MTF1: variants seen among roughly 807,000 people sequenced by gnomAD.
MTF1 encodes metal regulatory transcription factor 1.
In MTF1, 22 loss-of-function variants were observed where a neutral mutation model predicts 70.4. That is an observed-to-expected ratio of 0.31 (90% CI 0.22 to 0.45). The LOEUF (loss-of-function observed/expected upper bound fraction) is 0.45, where lower values mean the gene tolerates loss of function less well. Among genes scored for constraint, MTF1 ranks in the 20% least tolerant of loss-of-function variants. MTF1 has a pLI of 1.00. For missense variants in MTF1, 649 were observed against 922.0 expected (o/e 0.70, Z 3.83); for synonymous variants, 333 against 352.8 (o/e 0.94, Z 0.63).
Position 37,814,929 on chromosome 1 carries a change from TG to T in MTF1, c.*206del. 1.8e-6 allele frequency: 1 copy of T among 548,934 alleles called. No individual in the cohort carries two copies. The highest frequency in any genetic ancestry group is 3.3e-5 in the Admixed American group (1 of 29,872). The allele number at this position is 548,934 out of a possible 1,614,324, so 34.0% of individuals were successfully genotyped here. A position where few individuals can be genotyped will look rare whatever the true frequency, so the allele number is the denominator to read the frequency against. On this transcript the variant is annotated 3_prime_UTR_variant, in exon 11 of 11. Transcript: ENST00000373036. ...TCACTTATAACTTAGCTTTTTTTGTTGTTTTTTTTGTTTTTTGTTTTTTTCC... is the reference window on the plus strand; with the variant it reads ...TCACTTATAACTTAGCTTTTTTTGTTTTTTTTTTGTTTTTTGTTTTTTTCC...
chr1:37,815,140 T>C lies in MTF1; in HGVS notation c.2258A>G (p.Lys753Arg). Residue 753 changes from lysine (K) to arginine (R), a missense_variant, in exon 11 of 11, where the codon AAG becomes AGG. Physicochemically the swap from Lys to Arg is conservative, Grantham distance 26 (BLOSUM62 2). Around this residue, in one of 7 missense-constraint regions of MTF1, gnomAD observed 138 missense variants for 134.4 expected, o/e 1.03. Coordinates refer to ENST00000373036, the MANE Select transcript of MTF1 (RefSeq NM_005955.3). This position sits in a 1 kb window ranked among gnomAD's most constrained non-coding sequence, Gnocchi z 4.5. ...EEMGLTSSFS[K>R] ...AGGTGAGCACACATGGGCCCTTCAC[T>C]TGGAGAAGCTGCTGGTGAGGCCCAT... 1.9e-6 allele frequency: 3 copies of C among 1,613,954 alleles called. No individual in the cohort carries two copies. The highest frequency in any genetic ancestry group is 2.5e-6 in the Non-Finnish European group (3 of 1,179,906).
chr1:37,858,441 T>C (rs1641535162), intron 1 of MTF1: 2 of 152,242 alleles, frequency 1.3e-5, no homozygotes, highest in African/African-American at 4.8e-5. Flanking sequence ...TAAAGCACAA[T>C]GTTTGGTAAA....
intron 2 of MTF1, among the ~76,000 whole-genome samples, chr1:37,842,240 C>A (rs530865033): frequency 7.9e-4 from 120 of 151,824 alleles, no homozygotes; most frequent in African/African-American, 2.9e-3. Flanking sequence ...TAGACTCCAG[C>A]CTAGATGACA....
rs186994067 is a variant in MTF1, at chr1:37,857,241, C to T, written c.408+10G>A. On this transcript the variant is annotated intron_variant, in intron 2 of 10. Coordinates refer to ENST00000373036, the MANE Select transcript of MTF1 (RefSeq NM_005955.3). The stretch of plus-strand genomic sequence containing the variant: ...AACCAAACTAGGCCCTCACTGACTG[C>T]TTTACTTACTTCTTTACGTTTTGTT... 5 of 1,605,602 alleles carry T rather than the reference C, an allele frequency of 3.1e-6. No individual in the cohort carries two copies. The highest frequency in any genetic ancestry group is 4.3e-6 in the Non-Finnish European group (5 of 1,173,290).
At position 37,850,968 on chromosome 1, in the gene MTF1, G is replaced by A. The variant is rs528179455; in HGVS notation, c.408+6283C>T. ...ACCAAAAACCAAGCTGAAAAAAAAC[G>A]AAAGGAAAAGGAGTAAGGAAGAGCT... On this transcript the variant is annotated intron_variant, in intron 2 of 10. Transcript: ENST00000373036. Among the ~76,000 whole-genome samples, 46 of 152,172 alleles carry A rather than the reference G, an allele frequency of 3.0e-4. No homozygotes were observed. In the South Asian group the frequency reaches 8.9e-3, roughly 29 times the overall value.
chr1:37,858,003 C>T (rs1416850192), intron 1 of MTF1, among the ~76,000 whole-genome samples: 1 of 144,120 alleles, frequency 6.9e-6, no homozygotes, highest in African/African-American at 2.5e-5. Context: ...ATAGTGAGAC[C>T]CCCATCTCTA....
chr1:37,844,873 A>G (rs1641310263), intron 2 of MTF1, among the ~76,000 whole-genome samples: 1 of 152,248 alleles, frequency 6.6e-6, no homozygotes, highest in Non-Finnish European at 1.5e-5. Context: ...TAGAATAGGC[A>G]TCCTAATTAT....
At chr1:37,844,337 C>T (rs966787146) in intron 2 of MTF1, among the ~76,000 whole-genome samples, 3 of 152,196 alleles carry the variant, frequency 2.0e-5, no homozygotes, top group Non-Finnish European at 2.9e-5. Context: ...TCCTTCTCCG[C>T]TTTTCTGAGT....
intron 2 of MTF1, among the ~76,000 whole-genome samples, chr1:37,856,792 G>A (rs1455172547): frequency 1.3e-5 from 2 of 152,134 alleles, no homozygotes; most frequent in Non-Finnish European, 2.9e-5. Flanking sequence ...GTGCCACTGT[G>A]AAATAAAAGT....
At chr1:37,839,881 A>T in intron 3 of MTF1, 39 bp downstream of exon 3, 1 of 1,531,216 alleles carries the variant, frequency 6.5e-7, no homozygotes, top group East Asian at 2.3e-5. Flanking sequence ...CAACAAGGTC[A>T]AGGTCAGAGG....
chr1:37,835,800 G>A (rs1641159612), intron 4 of MTF1, 56 bp from the exon 5 acceptor site: 2 of 1,415,340 alleles, frequency 1.4e-6, no homozygotes, highest in African/African-American at 2.8e-5. Flanking sequence ...TCTTTATCCT[G>A]AACGTCTTTT....
intron 7 of MTF1, among the ~76,000 whole-genome samples, chr1:37,829,546 T>C (rs1266168637): frequency 1.3e-5 from 2 of 150,978 alleles, no homozygotes; most frequent in East Asian, 3.9e-4. Context: ...ACTTTGGGAG[T>C]CCGAGACGGG....
At chr1:37,823,627 C>T in intron 8 of MTF1, 83 bp downstream of exon 8, 1 of 1,061,686 alleles carries the variant, frequency 9.4e-7, no homozygotes, top group Non-Finnish European at 1.4e-6. Context: ...TTCATTTACG[C>T]TAACTAGAAT....
At chr1:37,826,135 G>C (rs1405974110) in intron 7 of MTF1, among the ~76,000 whole-genome samples, 2 of 152,130 alleles carry the variant, frequency 1.3e-5, no homozygotes, top group Non-Finnish European at 2.9e-5. Context: ...ACGTTTTAAG[G>C]TCATTTTGTA....
chr1:37,850,479 A>C (rs1641399659), intron 2 of MTF1, among the ~76,000 whole-genome samples: 1 of 151,510 alleles, frequency 6.6e-6, no homozygotes, highest in South Asian at 2.1e-4. Flanking sequence ...GAGAGAAAGG[A>C]AAGAAGAAAG....
chr1:37,820,219 A>G (rs1156494238), intron 9 of MTF1, among the ~76,000 whole-genome samples: 1 of 152,132 alleles, frequency 6.6e-6, no homozygotes, highest in Non-Finnish European at 1.5e-5. Context: ...TGAGCCCCAA[A>G]TGGCCTTTCT....
chr1:37,828,321 T>C, intron 7 of MTF1: 2 of 381,726 alleles, frequency 5.2e-6, no homozygotes, highest in Non-Finnish European at 1.0e-5. Context: ...TCTTTTGTTC[T>C]GAGACAGAGT....
At chr1:37,818,212 G>T (rs1640848933) in intron 9 of MTF1, among the ~76,000 whole-genome samples, 1 of 152,192 alleles carries the variant, frequency 6.6e-6, no homozygotes, top group African/African-American at 2.4e-5. Flanking sequence ...TTTAAGAGGT[G>T]ACTGGGTCAT....
chr1:37,858,094 G>T (rs1032016720), intron 1 of MTF1, among the ~76,000 whole-genome samples: 1 of 151,884 alleles, frequency 6.6e-6, no homozygotes, highest in South Asian at 2.1e-4. Context: ...TTCTGAATAC[G>T]CCTGTCAAAC....
Sources: allele counts gnomAD v4.1 joint callset (sites outside exome capture counted in the v4.1 genomes callset), GRCh38; gene constraint gnomAD v4.1.1; regional missense constraint gnomAD v4.1.1; non-coding constraint Gnocchi (gnomAD v3.1); transcripts MANE v1.5; gene names NCBI Gene and HGNC (gene_info 2026-07-23, HGNC 2026-07-21).